EYA2: variants seen among roughly 807,000 people sequenced by gnomAD.
The protein encoded by EYA2 is EYA transcriptional coactivator and phosphatase 2.
Under a neutral mutation model 69.2 loss-of-function variants are expected in EYA2, and 31 were observed. The ratio of observed to expected loss-of-function variants is 0.45; its 90% confidence interval spans 0.34 to 0.60. The LOEUF is 0.60. Ranked by LOEUF, EYA2 falls within the 20% of genes least tolerant of loss-of-function variation. The pLI, the probability that EYA2 is intolerant of heterozygous loss-of-function variation, is 0.02. For missense variants in EYA2, 622 were observed against 701.2 expected, an observed-to-expected ratio of 0.89 and a Z score of 1.28; for synonymous variants, 257 against 279.4, an observed-to-expected ratio of 0.92 and a Z score of 0.80.
intron 1 of EYA2, among the ~76,000 whole-genome samples, chr20:46,925,332 G>A (rs563444722): frequency 6.6e-6 from 1 of 152,258 alleles, no homozygotes; most frequent in South Asian, 2.1e-4. Flanking sequence ...ATTCATGACT[G>A]GCCCTATGTA....
chr20:46,990,815 T>A (rs984959305), intron 2 of EYA2, among the ~76,000 whole-genome samples: 12 of 152,190 alleles, frequency 7.9e-5, no homozygotes, highest in Non-Finnish European at 1.5e-5. Flanking sequence ...CCCTCGTTGT[T>A]TTTCCTTCAT....
chr20:47,172,675 C>G, intron 11 of EYA2, 32 bp from the exon 12 acceptor site: 1 of 1,582,000 alleles, frequency 6.3e-7, no homozygotes, highest in South Asian at 1.2e-5. Flanking sequence ...CCCCCCTGCA[C>G]TAACACTGTC....
chr20:47,150,600 TG>T (rs2033803966), intron 10 of EYA2, among the ~76,000 whole-genome samples: 1 of 151,952 alleles, frequency 6.6e-6, no homozygotes, highest in Non-Finnish European at 1.5e-5. Flanking sequence ...CCTGAGTAGC[TG>T]GGACTATAGG....
intron 15 of EYA2, among the ~76,000 whole-genome samples, chr20:47,185,076 T>C (rs557673306): frequency 6.6e-6 from 1 of 152,222 alleles, no homozygotes; most frequent in East Asian, 1.9e-4. Context: ...GTGTAAAATA[T>C]GGCCGCAGGA....
chr20:47,057,036 G>T (rs180934563), intron 5 of EYA2, among the ~76,000 whole-genome samples: 17 of 135,978 alleles, frequency 1.3e-4, no homozygotes, highest in Non-Finnish European at 2.2e-4. Context: ...ACAGAGTGAG[G>T]CACTGTTGAA....
intron 1 of EYA2, among the ~76,000 whole-genome samples, chr20:46,977,121 C>G (rs1980510641): frequency 6.6e-6 from 1 of 152,192 alleles, no homozygotes; most frequent in Non-Finnish European, 1.5e-5. Context: ...GATAACAACA[C>G]ATTCACAAAA....
chr20:47,078,082 T>C (rs1376951028), intron 7 of EYA2, among the ~76,000 whole-genome samples: 8 of 152,182 alleles, frequency 5.3e-5, no homozygotes, highest in Non-Finnish European at 1.2e-4. Context: ...CAGGAGTGAA[T>C]ATAAAGGCTC....
At position 46,954,044 on chromosome 20, in the gene EYA2, A is replaced by G. The variant is rs1568684951; in HGVS notation, c.-10-35957A>G. On this transcript the variant is annotated intron_variant, in intron 1 of 15. Transcript: ENST00000327619. ...CACACGATTCTTCTTTCTGACATTC[A>G]GACACATCCAGCTCATTTCCATCCC... Among the ~76,000 whole-genome samples the G allele has an allele frequency of 2.6e-5, 4 of 152,144 alleles. No individual in the cohort carries two copies. In the East Asian group the frequency reaches 7.7e-4, roughly 29 times the overall value.
chr20:46,947,644 G>A (rs939891664), intron 1 of EYA2, among the ~76,000 whole-genome samples: 1 of 152,176 alleles, frequency 6.6e-6, no homozygotes, highest in Non-Finnish European at 1.5e-5. Flanking sequence ...GGATCCTGAA[G>A]GAGCAGAACA....
chr20:46,932,084 T>G (rs1456247377), intron 1 of EYA2, among the ~76,000 whole-genome samples: 1 of 151,356 alleles, frequency 6.6e-6, no homozygotes, highest in Non-Finnish European at 1.5e-5. Context: ...TTTCAGAGGG[T>G]GGGGACAAGA....
intron 1 of EYA2, among the ~76,000 whole-genome samples, chr20:46,941,839 GCCTCA>G (rs1418947034): frequency 6.6e-5 from 10 of 151,970 alleles, no homozygotes; most frequent in Middle Eastern, 3.4e-3. Context: ...GCTCACTGTA[GCCTCA>G]AACTCCTGGG....
At chr20:46,927,200 C>T (rs1173269622) in intron 1 of EYA2, among the ~76,000 whole-genome samples, 1 of 152,186 alleles carries the variant, frequency 6.6e-6, no homozygotes, top group Non-Finnish European at 1.5e-5. Context: ...ACCCTGTGTG[C>T]TTACATTGGA....
intron 1 of EYA2, among the ~76,000 whole-genome samples, chr20:46,953,159 A>G (rs1978905504): frequency 6.6e-6 from 1 of 152,230 alleles, no homozygotes; most frequent in Non-Finnish European, 1.5e-5. Flanking sequence ...ATGTTCCTAT[A>G]ATATTTAGTG....
At chr20:46,918,455 C>T (rs1184690328) in intron 1 of EYA2, among the ~76,000 whole-genome samples, 1 of 151,970 alleles carries the variant, frequency 6.6e-6, no homozygotes, top group Non-Finnish European at 1.5e-5. Flanking sequence ...ACTACAGGCA[C>T]ATGTCACCAC....
In EYA2 at chr20:47,028,142, A is replaced by G. The variant is rs111699693; in HGVS notation, c.415+11845A>G. On this transcript the variant is annotated intron_variant, in intron 5 of 15. Coordinates refer to ENST00000327619, the MANE Select transcript of EYA2 (RefSeq NM_005244.5). Reference sequence around the variant, plus strand: ...CTCTCCCTGAATGCACATACTGAGGACAGGCCATGCAAGGACACAGTGAGA... The same window carrying G: ...CTCTCCCTGAATGCACATACTGAGGGCAGGCCATGCAAGGACACAGTGAGA... 7.6e-3 allele frequency among the ~76,000 whole-genome samples: 1,159 copies of G among 152,314 alleles called. 16 individuals are homozygous for G. The highest frequency in any genetic ancestry group is 0.027 in the African/African-American group (1,103 of 41,560).
intron 9 of EYA2, among the ~76,000 whole-genome samples, chr20:47,107,158 G>C (rs2032605587): frequency 6.6e-6 from 1 of 152,166 alleles, no homozygotes; most frequent in Non-Finnish European, 1.5e-5. Flanking sequence ...AGGGAACAAA[G>C]TCCATTAAAA....
Position 47,105,624 on chromosome 20 carries a change from C to A in EYA2, c.888+8456C>A, listed in dbSNP as rs201322056. On this transcript the variant is annotated intron_variant, in intron 9 of 15. Coordinates refer to ENST00000327619, the MANE Select transcript of EYA2 (RefSeq NM_005244.5). ...TGGGCGACAGAGCAAGACTCTGTCC[C>A]AAAAAAAAAAAAAAAAGGAACCTGC... Among the ~76,000 whole-genome samples the A allele has an allele frequency of 6.0e-3, 791 of 131,184 alleles. 35 individuals carry two copies. The highest frequency in any genetic ancestry group is 0.01 in the African/African-American group (350 of 34,732). The allele number at this position is 131,184 out of a possible 152,430, so 86.1% of individuals were successfully genotyped here.
rs892426959 is a variant in EYA2 at position 47,089,300 on chromosome 20, G to A, written c.723G>A (p.Pro241=). 1.2e-5 allele frequency: 19 copies of A among 1,614,012 alleles called. No individual in the cohort carries two copies. The African/African-American group carries it at 1.2e-4, about 10-fold the overall frequency. Residue 241 remains proline, a synonymous_variant, in exon 8 of 16, where the codon CCG becomes CCA. Transcript: ENST00000327619. ...CGAAAGAGGGAGACACAGACAGGCC[G>A]CACCGGGCCTCCGACGGGAAGCTCC... ...TPAKEGDTDR[P]HRASDGKLRG...
chr20:47,057,682 A>G (rs927808415), intron 5 of EYA2, among the ~76,000 whole-genome samples: 3 of 152,208 alleles, frequency 2.0e-5, no homozygotes, highest in African/African-American at 7.2e-5. Context: ...GGGGAAAGAA[A>G]TTGTAAGGTG....
Sources: allele counts gnomAD v4.1 joint callset (sites outside exome capture counted in the v4.1 genomes callset), GRCh38; gene constraint gnomAD v4.1.1; transcripts MANE v1.5; gene names NCBI Gene and HGNC (gene_info 2026-07-23, HGNC 2026-07-21).